Variants in DIAPH2 observed in about 807,000 individuals in gnomAD.
DIAPH2 encodes the protein protein diaphanous homolog 2.
DIAPH2 carries 35 observed loss-of-function variants against 92.7 expected under a neutral mutation model. The ratio of observed to expected loss-of-function variants is 0.38; its 90% CI spans 0.29 to 0.50. The LOEUF is 0.50. Ranked by LOEUF, DIAPH2 falls within the 20% of genes least tolerant of loss-of-function variation. The probability of loss-of-function intolerance (pLI) is 0.94; values close to 1 mark genes in which losing one functional copy is unlikely to be tolerated. For missense variants in DIAPH2, 701 were observed against 819.5 expected (o/e 0.86, Z 1.77); for synonymous variants, 301 against 280.4 (o/e 1.07, Z -0.73).
intron 22 of DIAPH2, among the ~76,000 whole-genome samples, chrX:97,155,159 A>C: frequency 8.9e-6 from 1 of 112,081 alleles, no homozygotes; most frequent in Non-Finnish European, 1.9e-5. Context: ...TTGCTTCTCT[A>C]TATAAATTAT....
At chrX:97,291,679 C>A (rs2068592062) in intron 23 of DIAPH2, among the ~76,000 whole-genome samples, 8 of 109,011 alleles carry the variant, frequency 7.3e-5, no homozygotes, top group Admixed American at 6.9e-4. Flanking sequence ...ATTACAGGCA[C>A]CCGCCACATC....
intron 17 of DIAPH2, among the ~76,000 whole-genome samples, chrX:96,968,921 G>A (rs2065910378): frequency 4.5e-5 from 5 of 112,015 alleles, no homozygotes; most frequent in South Asian, 3.7e-4. Context: ...AGAGGCTTTC[G>A]GTTTTGTTCT....
chrX:96,981,079 G>A (rs955137412), intron 17 of DIAPH2, among the ~76,000 whole-genome samples: 7 of 109,179 alleles, frequency 6.4e-5, no homozygotes, highest in African/African-American at 1.7e-4. Context: ...AGACTGAGGT[G>A]GAAAAATCAC....
chrX:97,247,848 T>C lies in DIAPH2; in HGVS notation c.2844+9T>C. On this transcript the variant is annotated intron_variant, in intron 23 of 26. Transcript: ENST00000324765. ...TTGTGGAAAAGATGACCATATCCTT[T>C]ATTTATTTAAGCATTTTGTCTAGTT... 8.3e-7 allele frequency: 1 copy of C among 1,202,599 alleles called. No homozygotes were observed. Among genetic ancestry groups the C allele is most frequent in the Non-Finnish European group, 1.1e-6 (1 of 889,953 alleles).
At chrX:97,435,758 TAGAG>T (rs1371264417) in intron 26 of DIAPH2, among the ~76,000 whole-genome samples, 2 of 110,452 alleles carry the variant, frequency 1.8e-5, no homozygotes, top group Non-Finnish European at 3.8e-5. Context: ...AAGAAGCACA[TAGAG>T]AGACACCTTG....
rs780968866 is a variant in DIAPH2, at chrX:97,099,732, C to T, written c.2286C>T (p.Asn762=). The T allele has an allele frequency of 6.7e-6, 8 of 1,186,013 alleles. No individual in the cohort carries two copies. Among genetic ancestry groups the T allele is most frequent in the South Asian group, 5.8e-5 (3 of 52,075 alleles). ...VKHLPEQKIL[N]ELAELKNEYD... ...ATCTTCCTGAGCAGAAGATACTCAA[C>T]GAATTAGCAGAGCTTAAGAATGAAT... The change falls in exon 20 of 27, where the codon AAC becomes AAT. Residue 762 remains asparagine (N), a synonymous_variant. Coordinates refer to ENST00000324765, the MANE Select transcript of DIAPH2 (RefSeq NM_006729.5).
chrX:97,260,764 G>A (rs1247193845), intron 23 of DIAPH2, among the ~76,000 whole-genome samples: 2 of 111,969 alleles, frequency 1.8e-5, no homozygotes, highest in African/African-American at 6.5e-5. Flanking sequence ...CTAAAGCTCT[G>A]TGAACCTTGT....
rs183025396 is a variant in DIAPH2, at chrX:97,221,307, C to T, written c.2720-26408C>T. Among the ~76,000 whole-genome samples the T allele has an allele frequency of 4.5e-5, 5 of 111,715 alleles. No individual in the cohort carries two copies. In the East Asian group the frequency reaches 1.4e-3, roughly 31 times the overall value. ...TTTTGGCCATATGGCATGGTTGAAG[C>T]AAAAACGTATTGTGTTAGGTCAAAC... On this transcript the variant is annotated intron_variant, in intron 22 of 26. Coordinates refer to ENST00000324765, the MANE Select transcript of DIAPH2 (RefSeq NM_006729.5).
intron 26 of DIAPH2, among the ~76,000 whole-genome samples, chrX:97,449,031 C>T (rs2070336327): frequency 8.9e-6 from 1 of 112,216 alleles, no homozygotes; most frequent in Admixed American, 9.5e-5. Context: ...GTGCTGCATG[C>T]TATTGACAGT....
intron 17 of DIAPH2, among the ~76,000 whole-genome samples, chrX:97,021,415 G>T (rs929865021): frequency 9.0e-6 from 1 of 111,395 alleles, no homozygotes; most frequent in Non-Finnish European, 1.9e-5. Context: ...ACAGGCTGGT[G>T]TCGAACTCCT....
chrX:97,368,818 G>A (rs1001781607), intron 24 of DIAPH2, among the ~76,000 whole-genome samples: 23 of 108,304 alleles, frequency 2.1e-4, no homozygotes, highest in African/African-American at 7.0e-4. Context: ...ATTAGGTGCT[G>A]TAATAGGCTT....
At chrX:97,140,257 A>G (rs2067201037) in intron 21 of DIAPH2, among the ~76,000 whole-genome samples, 2 of 111,152 alleles carry the variant, frequency 1.8e-5, no homozygotes, top group Admixed American at 1.9e-4. Flanking sequence ...CACTTTGTAA[A>G]CACATCACAC....
chrX:97,278,570 G>A (rs1195255995), intron 23 of DIAPH2, among the ~76,000 whole-genome samples: 1 of 111,635 alleles, frequency 9.0e-6, no homozygotes, highest in Admixed American at 9.6e-5. Context: ...ATACAAGTTG[G>A]AATTCTGTAA....
chrX:96,998,243 AT>A lies in DIAPH2; in HGVS notation c.2050+33042del, dbSNP rs202074878. Among the ~76,000 whole-genome samples, 3 of 111,606 alleles carry A rather than the reference AT, an allele frequency of 2.7e-5. No individual in the cohort carries two copies. The East Asian group carries it at 8.3e-4, about 31-fold the overall frequency. ...AATATTTACCTTTAACTTCTGTGGC[AT>A]TTTTTAGGATATATTAATAAACTCC... is the stretch of plus-strand genomic sequence containing the variant. On this transcript the variant is annotated intron_variant, in intron 17 of 26. Transcript: ENST00000324765.
chrX:97,325,221 T>C (rs1320337718), intron 23 of DIAPH2, among the ~76,000 whole-genome samples: 1 of 112,398 alleles, frequency 8.9e-6, no homozygotes, highest in East Asian at 2.8e-4. Flanking sequence ...ACAGCCTCCA[T>C]TGTCCACTGC....
In DIAPH2 at chrX:96,900,926, T is replaced by G. The variant is rs191502240; in HGVS notation, c.588-11402T>G. On this transcript the variant is annotated intron_variant, in intron 5 of 26. Coordinates refer to ENST00000324765, the MANE Select transcript of DIAPH2 (RefSeq NM_006729.5). ...CAGGGATATTGGTCTGCAGTTTTCT[T>G]TTTTGTTACGTCCTTTCCTAGTTTT... 1.3e-4 allele frequency among the ~76,000 whole-genome samples: 15 copies of G among 111,913 alleles called. No homozygotes were observed. The East Asian group carries it at 4.2e-3, about 32-fold the overall frequency.
At chrX:97,270,514 G>A (rs1463160760) in intron 23 of DIAPH2, among the ~76,000 whole-genome samples, 1 of 111,874 alleles carries the variant, frequency 8.9e-6, no homozygotes, top group Non-Finnish European at 1.9e-5. Context: ...TAACAAGGAT[G>A]CTATACTGCT....
chrX:97,072,869 G>A (rs1165159189), intron 17 of DIAPH2, 72 bp from the exon 18 acceptor site: 5 of 598,930 alleles, frequency 8.3e-6, no homozygotes, highest in East Asian at 3.6e-5. Context: ...TAGTTAATAT[G>A]CCTTACTAAT....
intron 17 of DIAPH2, among the ~76,000 whole-genome samples, chrX:96,968,766 G>A (rs2065909488): frequency 8.9e-6 from 1 of 111,998 alleles, no homozygotes; most frequent in South Asian, 3.7e-4. Context: ...TTTTGTTACA[G>A]TTGCTTTTGA....
Sources: gnomAD v4.1 joint callset for allele counts (sites outside exome capture counted in the v4.1 genomes callset) on GRCh38, gnomAD v4.1.1 for gene constraint, MANE v1.5 for transcripts, NCBI Gene and HGNC (gene_info 2026-07-23, HGNC 2026-07-21) for gene names.